FRY: variants seen among roughly 807,000 people sequenced by gnomAD.
FRY encodes FRY microtubule binding protein.
Under a neutral mutation model 348.4 loss-of-function variants are expected in FRY, and 128 were observed. The ratio of observed to expected loss-of-function variants is 0.37; its 90% confidence interval spans 0.32 to 0.43. The LOEUF (loss-of-function observed/expected upper bound fraction) is 0.43. FRY is among the 20% of genes least tolerant of loss of function. The probability of loss-of-function intolerance (pLI) is 1.00; values close to 1 mark genes in which losing one functional copy is unlikely to be tolerated. For missense variants in FRY, 2,736 were observed against 3,695.2 expected, an observed-to-expected ratio of 0.74 and a Z score of 6.73; for synonymous variants, 1,370 against 1,374.7, an observed-to-expected ratio of 1.00 and a Z score of 0.08.
At chr13:32,069,331 A>T (rs543558181) in intron 1 of FRY, among the ~76,000 whole-genome samples, 3 of 152,316 alleles carry the variant, frequency 2.0e-5, no homozygotes, top group African/African-American at 7.2e-5. Flanking sequence ...TCATGGCCTA[A>T]GGATATATTA....
At chr13:32,179,503 TTG>T (rs10628771) in intron 22 of FRY, among the ~76,000 whole-genome samples, 170 bp from the exon 23 acceptor site, 2,915 of 137,542 alleles carry the variant, frequency 0.021, 69 homozygotes, top group African/African-American at 0.06. Context: ...TGTATTAAAT[TTG>T]TGTGTGTGTG....
chr13:32,137,897 A>G (rs1205792522), intron 11 of FRY, among the ~76,000 whole-genome samples: 2 of 152,172 alleles, frequency 1.3e-5, no homozygotes, highest in African/African-American at 4.8e-5. Context: ...TTTGGCATTT[A>G]CCATAATTAC....
At chr13:32,078,279 G>T (rs1302335722) in intron 1 of FRY, among the ~76,000 whole-genome samples, 1 of 152,198 alleles carries the variant, frequency 6.6e-6, no homozygotes, top group East Asian at 1.9e-4. Context: ...GGCAAACAGA[G>T]CACTGCCTGA....
rs11322238 is a variant in FRY at position 32,234,119 on chromosome 13, CAA to C, written c.5528-435_5528-434del. ...GGGCAACAAAGAAAGACCCTGTTTC[CAA>C]AAAAAAAAAAAAAAAAAAAGCTTGA... On this transcript the variant is annotated intron_variant, in intron 41 of 60. Transcript: ENST00000542859. Among the ~76,000 whole-genome samples, 105 of 76,158 alleles carry C rather than the reference CAA, an allele frequency of 1.4e-3. No homozygotes were observed. The South Asian group carries it at 0.017, about 13-fold the overall frequency. 50.0% of individuals were successfully genotyped at this position (76,158 alleles called of 152,430 possible). A position where few individuals can be genotyped will look rare whatever the true frequency, so the allele number is the denominator to read the frequency against.
chr13:32,277,451 T>C (rs963473898), intron 57 of FRY, among the ~76,000 whole-genome samples: 1 of 152,234 alleles, frequency 6.6e-6, no homozygotes, highest in African/African-American at 2.4e-5. Context: ...TCTTAAATTA[T>C]ATCGTTTAAT....
intron 17 of FRY, among the ~76,000 whole-genome samples, chr13:32,170,113 G>A (rs1343311030): frequency 6.6e-6 from 1 of 152,150 alleles, no homozygotes; most frequent in East Asian, 1.9e-4. Context: ...GATATCCCAA[G>A]GAGCAAAACC....
intron 1 of FRY, among the ~76,000 whole-genome samples, chr13:32,039,036 T>C (rs1431093796): frequency 6.6e-6 from 1 of 152,174 alleles, no homozygotes; most frequent in Non-Finnish European, 1.5e-5. Context: ...GGGAGAGGTA[T>C]CCAATGATGT....
chr13:32,129,909 G>A (rs1879243787), intron 7 of FRY, among the ~76,000 whole-genome samples: 1 of 152,044 alleles, frequency 6.6e-6, no homozygotes, highest in Non-Finnish European at 1.5e-5. Flanking sequence ...CCCCTGTACT[G>A]CCTTTGGTTA....
Position 32,073,856 on chromosome 13 carries a change from AT to A in FRY, c.71-4975del, listed in dbSNP as rs1874833924. 2.6e-5 allele frequency among the ~76,000 whole-genome samples: 4 copies of A among 152,196 alleles called. No individual in the cohort carries two copies. In the South Asian group the frequency reaches 8.3e-4, roughly 31 times the overall value. ...CTAGGGCTCTTATATGAGGACGCTC[AT>A]TTCATTTCAGTGTTATAATAAAAAT... On this transcript the variant is annotated intron_variant, in intron 1 of 60. Coordinates refer to ENST00000542859, the MANE Select transcript of FRY (RefSeq NM_023037.3).
At chr13:32,287,142 G>A (rs1302335774) in intron 58 of FRY, among the ~76,000 whole-genome samples, 5 of 151,052 alleles carry the variant, frequency 3.3e-5, no homozygotes, top group Non-Finnish European at 7.4e-5. Context: ...TCCAGCCTGG[G>A]CGACAGAGTG....
chr13:32,073,538 T>A (rs1340781542), intron 1 of FRY, among the ~76,000 whole-genome samples: 1 of 151,782 alleles, frequency 6.6e-6, no homozygotes, highest in South Asian at 2.1e-4. Context: ...TGTGTGTATG[T>A]GGGCGGGTGT....
intron 55 of FRY, among the ~76,000 whole-genome samples, chr13:32,274,621 G>A (rs1048736631): frequency 4.0e-5 from 6 of 148,710 alleles, no homozygotes; most frequent in South Asian, 2.1e-4. Context: ...GGAGAATGGC[G>A]TGAACCTGGG....
chr13:32,173,776 T>A (rs1882226019), intron 19 of FRY, among the ~76,000 whole-genome samples: 1 of 152,214 alleles, frequency 6.6e-6, no homozygotes, highest in Non-Finnish European at 1.5e-5. Context: ...TCCAGGGACA[T>A]TACTTTGCTA....
At position 32,298,474 on chromosome 13, in the gene FRY, C is replaced by T. The variant is rs2072098068; in HGVS notation, c.*3014C>T. The T allele has an allele frequency of 6.6e-6, 1 of 152,184 alleles. No individual in the cohort carries two copies. Among genetic ancestry groups the T allele is most frequent in the African/African-American group, 2.4e-5 (1 of 41,422 alleles). 9.4% of individuals were successfully genotyped at this position (152,184 alleles called of 1,614,324 possible). A position where few individuals can be genotyped will look rare whatever the true frequency, so the allele number is the denominator to read the frequency against. ...GTTCAGCAAATATTTATTGCATGCC[C>T]ACTCTGGGCTAGGCACTGTTTTAGA... On this transcript the variant is annotated 3_prime_UTR_variant, in exon 61 of 61. Coordinates refer to ENST00000542859, the MANE Select transcript of FRY (RefSeq NM_023037.3).
chr13:32,260,753 G>A (rs1887588204), intron 51 of FRY, among the ~76,000 whole-genome samples: 1 of 151,580 alleles, frequency 6.6e-6, no homozygotes, highest in Non-Finnish European at 1.5e-5. Flanking sequence ...CCAGAAGGTG[G>A]AGGTTGCCGC....
rs1303828853 is a variant in FRY at position 32,295,982 on chromosome 13, C to G, written c.*522C>G. The G allele has an allele frequency of 6.0e-6, 1 of 166,800 alleles. No individual in the cohort carries two copies. Among genetic ancestry groups the G allele is most frequent in the Non-Finnish European group, 1.3e-5 (1 of 75,812 alleles). The allele number at this position is 166,800 out of a possible 1,614,324, so 10.3% of individuals were successfully genotyped here. A position where few individuals can be genotyped will look rare whatever the true frequency, so the allele number is the denominator to read the frequency against. On this transcript the variant is annotated 3_prime_UTR_variant, in exon 61 of 61. Coordinates refer to ENST00000542859, the MANE Select transcript of FRY (RefSeq NM_023037.3). ...TGGCCACTGAAAACTGTAAGATGGT[C>G]AAAAGCTGACAGCCTGTGTATGTGA...
At chr13:32,208,268 T>G (rs1884473458) in intron 31 of FRY, among the ~76,000 whole-genome samples, 1 of 152,246 alleles carries the variant, frequency 6.6e-6, no homozygotes, top group Non-Finnish European at 1.5e-5. Context: ...GAAGACACTT[T>G]GTAAGACACT....
rs147111870 is a variant in FRY at position 32,044,930 on chromosome 13, T to C, written c.70+13065T>C. Among the ~76,000 whole-genome samples the C allele has an allele frequency of 2.5e-3, 375 of 152,300 alleles. 2 individuals are homozygous for C. Among genetic ancestry groups the C allele is most frequent in the African/African-American group, 8.6e-3 (358 of 41,554 alleles). On this transcript the variant is annotated intron_variant, in intron 1 of 60. Transcript: ENST00000542859. ...AAGAGTGTCAAGTGAAAAAGATCTA[T>C]ATAAATCAATAATTGCAGTAAAATA...
At chr13:32,163,002 G>A (rs1490015961) in intron 17 of FRY, among the ~76,000 whole-genome samples, 1 of 152,202 alleles carries the variant, frequency 6.6e-6, no homozygotes, top group African/African-American at 2.4e-5. Context: ...TTTAGGGGCT[G>A]GGGGAAGCTG....
Sources: gnomAD v4.1 joint callset for allele counts (sites outside exome capture counted in the v4.1 genomes callset) on GRCh38, gnomAD v4.1.1 for gene constraint, MANE v1.5 for transcripts, NCBI Gene and HGNC (gene_info 2026-07-23, HGNC 2026-07-21) for gene names.